DOCK4: variants seen among roughly 807,000 people sequenced by gnomAD.
DOCK4 encodes the protein dedicator of cytokinesis 4.
In DOCK4, 97 loss-of-function variants were observed where a neutral mutation model predicts 268.1. The observed-to-expected ratio is 0.36, with a 90% CI of 0.31 to 0.43. DOCK4 has a LOEUF of 0.43. Ranked by LOEUF, DOCK4 falls within the 20% of genes least tolerant of loss-of-function variation. The pLI is 1.00. For missense variants in DOCK4, 2,145 were observed against 2,455.7 expected (o/e 0.87, Z 2.67); for synonymous variants, 954 against 887.2 (o/e 1.08, Z -1.34).
intron 12 of DOCK4, among the ~76,000 whole-genome samples, chr7:111,933,602 G>T (rs1481760933): frequency 6.6e-6 from 1 of 151,934 alleles, no homozygotes; most frequent in East Asian, 1.9e-4. Context: ...GCCGAGAATT[G>T]TAATTGTTTT....
chr7:112,066,684 CATATACATATATAT>C (rs1807038034), intron 1 of DOCK4, among the ~76,000 whole-genome samples: 165 of 45,998 alleles, frequency 3.6e-3, no homozygotes, highest in African/African-American at 5.3e-3. Flanking sequence ...TACATATATA[CATATACATATATAT>C]ATATATATAT....
intron 1 of DOCK4, among the ~76,000 whole-genome samples, chr7:112,147,143 G>C (rs1815587813): frequency 6.6e-6 from 1 of 152,058 alleles, no homozygotes; most frequent in South Asian, 2.1e-4. Flanking sequence ...TATAGATATT[G>C]TATTGTACCT....
At chr7:112,087,984 C>A (rs1262925104) in intron 1 of DOCK4, among the ~76,000 whole-genome samples, 2 of 152,040 alleles carry the variant, frequency 1.3e-5, no homozygotes, top group Non-Finnish European at 1.5e-5. Flanking sequence ...GTGTCCCTAG[C>A]AAGAGGTACA....
At chr7:112,056,508 G>A (rs1466012815) in intron 1 of DOCK4, among the ~76,000 whole-genome samples, 1 of 152,078 alleles carries the variant, frequency 6.6e-6, no homozygotes, top group African/African-American at 2.4e-5. Context: ...GCATCACAGG[G>A]TAATGGAACC....
At chr7:111,847,474 GT>G (rs67290852) in intron 23 of DOCK4, among the ~76,000 whole-genome samples, 13,906 of 145,424 alleles carry the variant, frequency 0.096, 788 homozygotes, top group African/African-American at 0.15. Context: ...GGACTTGGTT[GT>G]TTTTTTTTTT....
At chr7:112,011,544 G>GA (rs946354757) in intron 1 of DOCK4, among the ~76,000 whole-genome samples, 25 of 149,376 alleles carry the variant, frequency 1.7e-4, no homozygotes, top group African/African-American at 3.9e-4. Context: ...TAGAGAAACA[G>GA]AAAAAAAAAG....
At chr7:111,891,664 C>T (rs919447397) in intron 16 of DOCK4, among the ~76,000 whole-genome samples, 1 of 152,130 alleles carries the variant, frequency 6.6e-6, no homozygotes, top group Admixed American at 6.5e-5. Flanking sequence ...CTACGTATTG[C>T]CAAACTGCCC....
At chr7:112,109,674 C>CT (rs1219292646) in intron 1 of DOCK4, among the ~76,000 whole-genome samples, 1 of 151,670 alleles carries the variant, frequency 6.6e-6, no homozygotes, top group Non-Finnish European at 1.5e-5. Flanking sequence ...ACAACTGCTA[C>CT]ATATTTGTGA....
At chr7:111,974,400 A>C (rs1797972623) in intron 8 of DOCK4, among the ~76,000 whole-genome samples, 3 of 152,080 alleles carry the variant, frequency 2.0e-5, no homozygotes, top group Admixed American at 2.0e-4. Context: ...TGAGAGCCAC[A>C]GATAACCAAA....
At chr7:111,978,771 G>A (rs1798390575) in intron 7 of DOCK4, among the ~76,000 whole-genome samples, 1 of 152,126 alleles carries the variant, frequency 6.6e-6, no homozygotes, top group African/African-American at 2.4e-5. Flanking sequence ...TGCCCTAAAG[G>A]TTTCTAATCA....
At chr7:111,755,249 G>C (rs552190313) in intron 42 of DOCK4, among the ~76,000 whole-genome samples, 8 of 152,076 alleles carry the variant, frequency 5.3e-5, no homozygotes, top group Non-Finnish European at 7.4e-5. Context: ...GGAATTCCAA[G>C]TCTTCTAACT....
Position 112,066,683 on chromosome 7 carries a change from A to ATGTG in DOCK4, c.38-62553_38-62552insCACA, listed in dbSNP as rs1405500495. On this transcript the variant is annotated intron_variant, in intron 1 of 52. Transcript: ENST00000428084. ...ATTATACATATACATATACATATAT[A>ATGTG]CATATACATATATATATATATATAT... Among the ~76,000 whole-genome samples the ATGTG allele has an allele frequency of 9.4e-4, 15 of 15,996 alleles. 1 individual carries two copies. Among genetic ancestry groups the ATGTG allele is most frequent in the East Asian group, 8.1e-3 (4 of 494 alleles). The allele number at this position is 15,996 out of a possible 152,430, so 10.5% of individuals were successfully genotyped here.
intron 1 of DOCK4, among the ~76,000 whole-genome samples, chr7:112,177,971 G>A (rs1042396018): frequency 2.6e-5 from 4 of 152,114 alleles, no homozygotes; most frequent in Admixed American, 2.0e-4. Context: ...CCTATCCCCT[G>A]GGACTTTCTT....
At chr7:112,149,109 A>C (rs1292740053) in intron 1 of DOCK4, among the ~76,000 whole-genome samples, 2 of 152,180 alleles carry the variant, frequency 1.3e-5, no homozygotes, top group East Asian at 3.8e-4. Flanking sequence ...TGGCAGGTAC[A>C]TCATAGAAAC....
intron 16 of DOCK4, among the ~76,000 whole-genome samples, chr7:111,886,127 A>G (rs1807817010): frequency 6.6e-6 from 1 of 152,184 alleles, no homozygotes; most frequent in South Asian, 2.1e-4. Context: ...CTGGCACAGG[A>G]ATTCATGGAA....
intron 1 of DOCK4, among the ~76,000 whole-genome samples, chr7:112,156,961 T>C (rs1370463027): frequency 7.0e-6 from 1 of 142,772 alleles, no homozygotes; most frequent in East Asian, 2.1e-4. Context: ...TAAAATTATA[T>C]ATAGCTTGAT....
At chr7:111,808,130 T>C (rs528875406) in intron 30 of DOCK4, 1 of 152,310 alleles carries the variant, frequency 6.6e-6, no homozygotes, top group South Asian at 2.1e-4. Flanking sequence ...GCAGTAATAG[T>C]AAATGAATAC....
At chr7:112,185,684 C>T (rs758796009) in intron 1 of DOCK4, among the ~76,000 whole-genome samples, 2 of 152,136 alleles carry the variant, frequency 1.3e-5, no homozygotes, top group Non-Finnish European at 2.9e-5. Flanking sequence ...TTGAGTGACA[C>T]AATGGTGTTA....
chr7:112,181,093 C>A (rs1314620493), intron 1 of DOCK4, among the ~76,000 whole-genome samples: 1 of 152,156 alleles, frequency 6.6e-6, no homozygotes, highest in Non-Finnish European at 1.5e-5. Flanking sequence ...ACTAACATCA[C>A]TTTACAGACT....
Sources: allele counts gnomAD v4.1 joint callset (sites outside exome capture counted in the v4.1 genomes callset), GRCh38; gene constraint gnomAD v4.1.1; transcripts MANE v1.5; gene names NCBI Gene and HGNC (gene_info 2026-07-23, HGNC 2026-07-21).